Variants in PARD3B observed in about 807,000 individuals in gnomAD.
PARD3B encodes par-3 family cell polarity regulator beta.
PARD3B carries 103 observed loss-of-function variants against 130.2 expected under a neutral mutation model. That is an observed-to-expected ratio of 0.79 (90% confidence interval 0.67 to 0.93). The LOEUF (loss-of-function observed/expected upper bound fraction) is 0.93. PARD3B is among the 40% of genes least tolerant of loss of function. The probability of loss-of-function intolerance (pLI) is 0.00; values close to 1 mark genes in which losing one functional copy is unlikely to be tolerated. For synonymous variants in PARD3B, 583 were observed against 553.2 expected (o/e 1.05, Z -0.76); for missense variants, 1,609 against 1,499.2 (o/e 1.07, Z -1.21).
At chr2:205,005,817 CTT>C (rs1232917649) in intron 3 of PARD3B, among the ~76,000 whole-genome samples, 1 of 152,038 alleles carries the variant, frequency 6.6e-6, no homozygotes, top group Non-Finnish European at 1.5e-5. Context: ...AAATTATTGT[CTT>C]TTATTACAAT....
chr2:205,133,293 G>A (rs16824707), intron 10 of PARD3B, among the ~76,000 whole-genome samples: 10,576 of 152,148 alleles, frequency 0.07, 444 homozygotes, highest in African/African-American at 0.11. Flanking sequence ...TTACAGTATC[G>A]TGTTAAAGTA....
At chr2:204,547,798 A>G (rs998756619) in intron 1 of PARD3B, among the ~76,000 whole-genome samples, 16 of 152,242 alleles carry the variant, frequency 1.1e-4, no homozygotes, top group Non-Finnish European at 4.4e-5. Flanking sequence ...TGTAAATAAC[A>G]TGAAGAGAAC....
intron 2 of PARD3B, among the ~76,000 whole-genome samples, chr2:204,778,266 A>G (rs2041711224): frequency 6.6e-6 from 1 of 152,046 alleles, no homozygotes; most frequent in African/African-American, 2.4e-5. Flanking sequence ...TCATGTGGTC[A>G]TTTAGTCTGC....
intron 18 of PARD3B, among the ~76,000 whole-genome samples, chr2:205,320,521 A>C (rs944199501): frequency 6.6e-6 from 1 of 152,236 alleles, no homozygotes; most frequent in Non-Finnish European, 1.5e-5. Context: ...AGGATGTAAT[A>C]GAAATTCTAA....
At chr2:204,589,459 C>G (rs1198331723) in intron 1 of PARD3B, among the ~76,000 whole-genome samples, 1 of 152,206 alleles carries the variant, frequency 6.6e-6, no homozygotes, top group East Asian at 1.9e-4. Flanking sequence ...GACTTTCGAG[C>G]ACTGGTTGAC....
intron 2 of PARD3B, among the ~76,000 whole-genome samples, chr2:204,894,801 T>A (rs1310573683): frequency 6.6e-6 from 1 of 152,120 alleles, no homozygotes; most frequent in African/African-American, 2.4e-5. Context: ...AAAATATATG[T>A]TTATAGATGA....
chr2:205,596,658 C>G (rs2054581019), intron 22 of PARD3B, among the ~76,000 whole-genome samples: 1 of 152,132 alleles, frequency 6.6e-6, no homozygotes, highest in Non-Finnish European at 1.5e-5. Flanking sequence ...GGAATGGATC[C>G]CATTGCTTTG....
intron 2 of PARD3B, among the ~76,000 whole-genome samples, chr2:204,839,383 T>C (rs1273959403): frequency 6.6e-6 from 1 of 152,184 alleles, no homozygotes; most frequent in Non-Finnish European, 1.5e-5. Flanking sequence ...AGTAAGGTAG[T>C]TTCAGGAAAA....
At position 204,755,892 on chromosome 2, in the gene PARD3B, G is replaced by C. The variant is rs555080270; in HGVS notation, c.222+69610G>C. On this transcript the variant is annotated intron_variant, in intron 2 of 22. Transcript: ENST00000406610. ...GGAAGTGATTGCTGTGAGCATTCTT[G>C]TGTAGGCTGAGCAAGGTGAATTAGG... Among the ~76,000 whole-genome samples, 5 of 152,188 alleles carry C rather than the reference G, an allele frequency of 3.3e-5. No homozygotes were observed. In the South Asian group the frequency reaches 1.0e-3, roughly 32 times the overall value.
intron 2 of PARD3B, among the ~76,000 whole-genome samples, chr2:204,953,853 T>A (rs2125830739): frequency 6.6e-6 from 1 of 152,328 alleles, no homozygotes; most frequent in South Asian, 2.1e-4. Context: ...GTGCTTATAT[T>A]TTAGGTGCTT....
At position 205,281,771 on chromosome 2, in the gene PARD3B, T is replaced by C. The variant is rs17251602; in HGVS notation, c.2186-18759T>C. Among the ~76,000 whole-genome samples, 5,543 of 152,302 alleles carry C rather than the reference T, an allele frequency of 0.036. 102 individuals carry two copies. Among genetic ancestry groups the C allele is most frequent in the Middle Eastern group, 0.059 (17 of 290 alleles). ...CCAGTGATGAAACTCCTGGGCAGGTTGTCTACATTAAAAGTACCTGTTTTT... is the reference window on the plus strand; with the variant it reads ...CCAGTGATGAAACTCCTGGGCAGGTCGTCTACATTAAAAGTACCTGTTTTT... On this transcript the variant is annotated intron_variant, in intron 16 of 22. Coordinates refer to ENST00000406610, the MANE Select transcript of PARD3B (RefSeq NM_001302769.2). This position sits in a 1 kb window ranked among gnomAD's most constrained non-coding sequence, Gnocchi z 4.2.
At chr2:205,346,989 T>C (rs2043819164) in intron 18 of PARD3B, among the ~76,000 whole-genome samples, 1 of 152,198 alleles carries the variant, frequency 6.6e-6, no homozygotes, top group Non-Finnish European at 1.5e-5. Context: ...TACATTTCCA[T>C]CTTGTGTTTA....
At chr2:204,783,797 C>T (rs963447831) in intron 2 of PARD3B, among the ~76,000 whole-genome samples, 3 of 152,086 alleles carry the variant, frequency 2.0e-5, no homozygotes, top group Admixed American at 6.6e-5. Context: ...CATATCCTTA[C>T]CTATTAGCTA....
intron 4 of PARD3B, among the ~76,000 whole-genome samples, chr2:205,067,724 TAA>T (rs1314166940): frequency 6.6e-6 from 1 of 152,318 alleles, no homozygotes; most frequent in East Asian, 1.9e-4. Context: ...TTTAAAATAA[TAA>T]ATTTTGTTTA....
At chr2:205,237,293 G>A (rs1325799182) in intron 15 of PARD3B, among the ~76,000 whole-genome samples, 1 of 151,978 alleles carries the variant, frequency 6.6e-6, no homozygotes, top group African/African-American at 2.4e-5. Flanking sequence ...GTAGAGACGG[G>A]GTTTCACCAT....
chr2:205,295,636 A>G (rs925667880), intron 16 of PARD3B, among the ~76,000 whole-genome samples: 36 of 152,188 alleles, frequency 2.4e-4, no homozygotes, highest in African/African-American at 8.7e-4. Context: ...TTTAATATGG[A>G]TGTATTGGAA....
At chr2:204,652,127 C>G (rs1200225297) in intron 1 of PARD3B, among the ~76,000 whole-genome samples, 2 of 152,166 alleles carry the variant, frequency 1.3e-5, no homozygotes, top group Non-Finnish European at 2.9e-5. Context: ...TAACATTAGG[C>G]TCTTCTTTAC....
intron 4 of PARD3B, among the ~76,000 whole-genome samples, chr2:205,059,297 C>A (rs1699922038): frequency 6.6e-6 from 1 of 151,960 alleles, no homozygotes; most frequent in Non-Finnish European, 1.5e-5. Flanking sequence ...TTAATCACAA[C>A]CTATATGCTT....
In PARD3B at chr2:205,419,862, A is replaced by G. The variant is rs138991992; in HGVS notation, c.2741+18739A>G. Among the ~76,000 whole-genome samples the G allele has an allele frequency of 2.5e-3, 375 of 152,342 alleles. 7 individuals carry two copies. Among genetic ancestry groups the G allele is most frequent in the African/African-American group, 8.6e-3 (359 of 41,574 alleles). ...GATTCCTCCATACCTCAAGGGTTAC[A>G]GGATGAAAACTGCAGTGGAGAAGGA... On this transcript the variant is annotated intron_variant, in intron 19 of 22. Transcript: ENST00000406610.
Sources: gnomAD v4.1 joint callset for allele counts (sites outside exome capture counted in the v4.1 genomes callset) on GRCh38, gnomAD v4.1.1 for gene constraint, Gnocchi (gnomAD v3.1) non-coding constraint, MANE v1.5 for transcripts, NCBI Gene and HGNC (gene_info 2026-07-23, HGNC 2026-07-21) for gene names.